The following PTPRG variants were observed in gnomAD, a reference collection of about 807,000 sequenced individuals.
PTPRG encodes protein tyrosine phosphatase receptor type G, also known as receptor-type tyrosine-protein phosphatase gamma.
PTPRG carries 102 observed loss-of-function variants against 165.3 expected under a neutral mutation model. The ratio of observed to expected loss-of-function variants is 0.62; its 90% CI spans 0.53 to 0.73. The LOEUF is 0.73. PTPRG is among the 30% of genes least tolerant of loss of function. The pLI is 0.00. For synonymous variants in PTPRG, 675 were observed against 669.5 expected (o/e 1.01, Z -0.13); for missense variants, 1,866 against 1,861.4 (o/e 1.00, Z -0.05).
chr3:62,185,855 T>C (rs532684598), intron 8 of PTPRG, among the ~76,000 whole-genome samples: 2 of 152,350 alleles, frequency 1.3e-5, no homozygotes, highest in South Asian at 2.1e-4. Flanking sequence ...TGCTAGACCC[T>C]AGTCATCCAT....
rs193086261 is a variant in PTPRG at position 62,009,904 on chromosome 3, G to A, written c.519+6407G>A. 2.4e-4 allele frequency among the ~76,000 whole-genome samples: 37 copies of A among 151,728 alleles called. No homozygotes were observed. The East Asian group carries it at 7.0e-3, about 29-fold the overall frequency. On this transcript the variant is annotated intron_variant, in intron 4 of 29. Coordinates refer to ENST00000474889, the MANE Select transcript of PTPRG (RefSeq NM_002841.4). Reference sequence around the variant, plus strand: ...AATCCCTCCTTCACTGCTGGAATAAGTTTATGTATACATATTTGTATGCAT... The same window carrying A: ...AATCCCTCCTTCACTGCTGGAATAAATTTATGTATACATATTTGTATGCAT...
chr3:62,168,141 A>G lies in PTPRG; in HGVS notation c.1011A>G (p.Pro337=), dbSNP rs556935985. Residue 337 remains proline (P), a synonymous_variant, in exon 8 of 30, where the codon CCA becomes CCG. Coordinates refer to ENST00000474889, the MANE Select transcript of PTPRG (RefSeq NM_002841.4). The part of the protein sequence containing the change: ...NHDMTDFLEN[P]LGTEASKVCS... ...ACATGACAGACTTCTTAGAAAACCC[A>G]CTGGGGACAGAAGCCTCTAAAGGTA... is the stretch of plus-strand genomic sequence containing the variant. 1 of 1,613,936 alleles carries G rather than the reference A, an allele frequency of 6.2e-7. No homozygotes were observed. Among genetic ancestry groups the G allele is most frequent in the South Asian group, 1.1e-5 (1 of 91,066 alleles).
At chr3:61,875,746 C>G (rs1051930571) in intron 2 of PTPRG, among the ~76,000 whole-genome samples, 9 of 152,222 alleles carry the variant, frequency 5.9e-5, no homozygotes, top group South Asian at 2.1e-4. Context: ...CATCATTTCT[C>G]GCAGAGATGT....
intron 5 of PTPRG, among the ~76,000 whole-genome samples, chr3:62,121,420 C>A (rs1703067787): frequency 6.6e-6 from 1 of 152,088 alleles, no homozygotes; most frequent in African/African-American, 2.4e-5. Flanking sequence ...AATTGAGGCA[C>A]AACTAGATTG....
At chr3:62,149,434 T>C (rs1383517349) in intron 6 of PTPRG, among the ~76,000 whole-genome samples, 1 of 152,122 alleles carries the variant, frequency 6.6e-6, no homozygotes. Flanking sequence ...CCACCATACC[T>C]GGCTAATTTT....
intron 6 of PTPRG, among the ~76,000 whole-genome samples, chr3:62,132,918 G>A (rs1005288986): frequency 6.6e-6 from 1 of 152,298 alleles, no homozygotes. Flanking sequence ...TTATAAATCA[G>A]AACACCTTAA....
chr3:61,591,795 G>A (rs1390075699), intron 1 of PTPRG, among the ~76,000 whole-genome samples: 3 of 152,152 alleles, frequency 2.0e-5, no homozygotes, highest in African/African-American at 4.8e-5. Context: ...GGTGACAAGG[G>A]CTTTGGAACT....
intron 4 of PTPRG, among the ~76,000 whole-genome samples, chr3:62,021,857 C>CTTTTTTTTTTTTTTTTTTTCTTTTT (rs398062374): frequency 1.0e-5 from 1 of 97,092 alleles, no homozygotes; most frequent in African/African-American, 3.9e-5. Context: ...TTTTCCTTTT[C>CTTTTTTTTTTTTTTTTTTTCTTTTT]TTTTTTTTTT....
In PTPRG at chr3:62,252,424, T is replaced by C. The variant is rs1701445660; in HGVS notation, c.2468-2700T>C. 6.6e-6 allele frequency among the ~76,000 whole-genome samples: 1 copy of C among 152,248 alleles called. No homozygotes were observed. ...CTGCAAGATGCATATGAAAACAGTA[T>C]GCATTTCTTGGAGTACATGTTAATA... On this transcript the variant is annotated intron_variant, in intron 15 of 29. Coordinates refer to ENST00000474889, the MANE Select transcript of PTPRG (RefSeq NM_002841.4). This position sits in a 1 kb window ranked among gnomAD's most constrained non-coding sequence, Gnocchi z 4.6.
chr3:61,856,682 C>T (rs926989442), intron 2 of PTPRG, among the ~76,000 whole-genome samples: 8 of 152,202 alleles, frequency 5.3e-5, no homozygotes, highest in African/African-American at 1.4e-4. Context: ...TAACATGTCT[C>T]CAGGTCATTA....
At chr3:61,874,128 T>C (rs890288018) in intron 2 of PTPRG, among the ~76,000 whole-genome samples, 4 of 152,192 alleles carry the variant, frequency 2.6e-5, no homozygotes, top group African/African-American at 9.6e-5. Flanking sequence ...GTGCATCCCA[T>C]TGAGCCTGCA....
intron 2 of PTPRG, among the ~76,000 whole-genome samples, chr3:61,811,131 CT>C (rs148244038): frequency 0.012 from 1,854 of 152,308 alleles, 34 homozygotes; most frequent in African/African-American, 0.041. Context: ...GGACATCTCA[CT>C]TCTGGCTGAA....
intron 2 of PTPRG, among the ~76,000 whole-genome samples, chr3:61,899,291 A>C (rs2038439427): frequency 6.6e-6 from 1 of 152,186 alleles, no homozygotes; most frequent in Non-Finnish European, 1.5e-5. Flanking sequence ...GAATGGGTGA[A>C]TAATTCTGAC....
intron 2 of PTPRG, among the ~76,000 whole-genome samples, chr3:61,880,572 T>C (rs990133874): frequency 1.2e-4 from 17 of 147,350 alleles, no homozygotes; most frequent in African/African-American, 4.1e-4. Flanking sequence ...TGCAGTCAGC[T>C]GTGTTTGCGC....
At chr3:61,920,657 G>T (rs1178205101) in intron 2 of PTPRG, among the ~76,000 whole-genome samples, 1 of 152,192 alleles carries the variant, frequency 6.6e-6, no homozygotes, top group Non-Finnish European at 1.5e-5. Context: ...GCCTCCCAAA[G>T]TGCTGGGATT....
intron 2 of PTPRG, among the ~76,000 whole-genome samples, chr3:61,813,786 A>C (rs1443975727): frequency 6.6e-6 from 1 of 152,084 alleles, no homozygotes; most frequent in East Asian, 1.9e-4. Context: ...AAAAGAAGCA[A>C]GGTCTCGAAG....
At chr3:61,689,003 A>G (rs1329532834) in intron 1 of PTPRG, among the ~76,000 whole-genome samples, 1 of 152,192 alleles carries the variant, frequency 6.6e-6, no homozygotes, top group East Asian at 1.9e-4. Flanking sequence ...GTACGACTGC[A>G]CTTGGTTAAG....
intron 2 of PTPRG, among the ~76,000 whole-genome samples, chr3:61,919,807 C>G (rs7648233): frequency 0.011 from 1,620 of 152,250 alleles, 37 homozygotes; most frequent in South Asian, 0.093. Flanking sequence ...TGCTTAAAAA[C>G]TTGTTACATG....
intron 1 of PTPRG, among the ~76,000 whole-genome samples, chr3:61,697,906 A>G (rs574033000): frequency 2.6e-5 from 4 of 152,292 alleles, no homozygotes; most frequent in African/African-American, 9.6e-5. Context: ...GGGAGAGGGA[A>G]AATTCTTTTT....
Sources: gnomAD v4.1 joint callset for allele counts (sites outside exome capture counted in the v4.1 genomes callset) on GRCh38, gnomAD v4.1.1 for gene constraint, Gnocchi (gnomAD v3.1) non-coding constraint, MANE v1.5 for transcripts, NCBI Gene and HGNC (gene_info 2026-07-23, HGNC 2026-07-21) for gene names.